DCX: variants seen among roughly 807,000 people sequenced by gnomAD.
DCX encodes doublecortin, also known as neuronal migration protein doublecortin.
Under a neutral mutation model 20.9 loss-of-function variants are expected in DCX, and 4 were observed. That is an observed-to-expected ratio of 0.19 (90% CI 0.09 to 0.44). The LOEUF is 0.44. Among genes scored for constraint, DCX ranks in the 20% least tolerant of loss-of-function variants. The pLI, the probability that DCX is intolerant of heterozygous loss-of-function variation, is 0.99. For synonymous variants in DCX, 103 were observed against 111.4 expected, an observed-to-expected ratio of 0.92 and a Z score of 0.47; for missense variants, 133 against 296.9, an observed-to-expected ratio of 0.45 and a Z score of 4.06.
intron 3 of DCX, among the ~76,000 whole-genome samples, chrX:111,366,103 T>A (rs1924615253): frequency 8.9e-6 from 1 of 112,208 alleles, no homozygotes; most frequent in Non-Finnish European, 1.9e-5. Context: ...ATTATATAAA[T>A]CCTTATAACC....
chrX:111,400,437 A>G (rs1261070475), intron 3 of DCX, among the ~76,000 whole-genome samples: 2 of 112,016 alleles, frequency 1.8e-5, no homozygotes, highest in Non-Finnish European at 3.8e-5. Flanking sequence ...AAATTAAGAC[A>G]GCTATGTCAT....
Position 111,323,677 on chromosome X carries a change from T to C in DCX, c.946+7227A>G, listed in dbSNP as rs7054040. On this transcript the variant is annotated intron_variant, in intron 5 of 6. Transcript: ENST00000636035. ...CAAAATGATTGGCCCTATCCTGTTCTCTCTTTTTACCCTCTCAGCATTATT... is the reference window on the plus strand; with the variant it reads ...CAAAATGATTGGCCCTATCCTGTTCCCTCTTTTTACCCTCTCAGCATTATT... Among the ~76,000 whole-genome samples the C allele has an allele frequency of 3.1e-3, 328 of 104,710 alleles. 3 individuals are homozygous for C. Among genetic ancestry groups the C allele is most frequent in the African/African-American group, 0.011 (310 of 28,509 alleles). 90.9% of individuals were successfully genotyped at this position (104,710 alleles called of 115,157 possible). A position where few individuals can be genotyped will look rare whatever the true frequency, so the allele number is the denominator to read the frequency against.
chrX:111,320,319 A>G (rs1463826345), intron 5 of DCX, among the ~76,000 whole-genome samples: 1 of 112,305 alleles, frequency 8.9e-6, no homozygotes, highest in Non-Finnish European at 1.9e-5. Flanking sequence ...TCTAGAGCCA[A>G]TTCACATAAA....
chrX:111,394,848 G>T (rs769796561), intron 3 of DCX, among the ~76,000 whole-genome samples: 1 of 112,373 alleles, frequency 8.9e-6, no homozygotes, highest in South Asian at 3.7e-4. Flanking sequence ...CTTTTGCCTT[G>T]CTTTGTTTTG....
chrX:111,305,544 A>G (rs1368524867), intron 6 of DCX, among the ~76,000 whole-genome samples: 2 of 109,996 alleles, frequency 1.8e-5, no homozygotes, highest in Non-Finnish European at 3.8e-5. Context: ...CCTGTAACCT[A>G]CATCTCCTCA....
At chrX:111,349,267 C>A (rs761015238) in intron 3 of DCX, among the ~76,000 whole-genome samples, 1 of 111,473 alleles carries the variant, frequency 9.0e-6, no homozygotes, top group Non-Finnish European at 1.9e-5. Context: ...CAGTGACACC[C>A]GGGCCAGAAT....
intron 6 of DCX, among the ~76,000 whole-genome samples, chrX:111,307,030 G>A (rs1348156520): frequency 9.1e-6 from 1 of 110,476 alleles, no homozygotes; most frequent in Non-Finnish European, 1.9e-5. Context: ...GACTGCTAAT[G>A]GGTAAGGGGT....
rs1043345201 is a variant in DCX at position 111,300,410 on chromosome X, G to A, written c.*1277C>T. 3 of 112,540 alleles carry A rather than the reference G, an allele frequency of 2.7e-5. No individual in the cohort carries two copies. The highest frequency in any genetic ancestry group is 5.6e-5 in the Non-Finnish European group (3 of 53,275). 9.3% of individuals were successfully genotyped at this position (112,540 alleles called of 1,213,427 possible). On this transcript the variant is annotated 3_prime_UTR_variant, in exon 7 of 7. Transcript: ENST00000636035. ...GAAATATTAGGATTATAGATAAAAA[G>A]AGTTGCTTAAAATATGCTGTAACAT...
chrX:111,310,758 C>T (rs1437158737), intron 6 of DCX, among the ~76,000 whole-genome samples: 2 of 112,194 alleles, frequency 1.8e-5, no homozygotes, highest in African/African-American at 6.5e-5. Flanking sequence ...ACAATGCTGC[C>T]ACCTGTGAGC....
At chrX:111,380,894 A>G (rs1392406720) in intron 3 of DCX, among the ~76,000 whole-genome samples, 2 of 110,471 alleles carry the variant, frequency 1.8e-5, no homozygotes, top group Non-Finnish European at 3.8e-5. Context: ...TTTTTTGAAA[A>G]TTATATTTTA....
chrX:111,347,027 G>T (rs766559086), intron 3 of DCX, among the ~76,000 whole-genome samples: 98 of 111,184 alleles, frequency 8.8e-4, no homozygotes, highest in African/African-American at 3.1e-3. Flanking sequence ...AAGAATTTAG[G>T]CTCCACAAGA....
chrX:111,368,901 T>TATATACACACACAC (rs1467693516), intron 3 of DCX, among the ~76,000 whole-genome samples: 8 of 98,265 alleles, frequency 8.1e-5, no homozygotes, highest in African/African-American at 2.6e-4. Flanking sequence ...TATATATACA[T>TATATACACACACAC]ACACACACAC....
chrX:111,295,293 C>A lies in DCX; in HGVS notation c.*6394G>T, dbSNP rs1489654601. 1 of 112,108 alleles carries A rather than the reference C, an allele frequency of 8.9e-6. No individual in the cohort carries two copies. Among genetic ancestry groups the A allele is most frequent in the Non-Finnish European group, 1.9e-5 (1 of 53,218 alleles). 9.2% of individuals were successfully genotyped at this position (112,108 alleles called of 1,213,427 possible). A position where few individuals can be genotyped will look rare whatever the true frequency, so the allele number is the denominator to read the frequency against. On this transcript the variant is annotated 3_prime_UTR_variant, in exon 7 of 7. Coordinates refer to ENST00000636035, the MANE Select transcript of DCX (RefSeq NM_001195553.2). ...CTGGCTTCTTTAGGTCCACTAATTT[C>A]TCTTATATGGACTGTCTATTCAGTA...
intron 3 of DCX, among the ~76,000 whole-genome samples, chrX:111,391,952 G>A (rs1212848029): frequency 9.0e-6 from 1 of 111,570 alleles, no homozygotes; most frequent in African/African-American, 3.3e-5. Context: ...TTGGTGGTTT[G>A]GGGGAGAATC....
At position 111,391,500 on chromosome X, in the gene DCX, A is replaced by G. The variant is rs779923051; in HGVS notation, c.705+9490T>C. ...TAAATATTGCCTTTGCCTTCCTTTC[A>G]GCTTCATCTTCTGCTGTGTCTGCCC... On this transcript the variant is annotated intron_variant, in intron 3 of 6. Transcript: ENST00000636035. Among the ~76,000 whole-genome samples, 185 of 111,429 alleles carry G rather than the reference A, an allele frequency of 1.7e-3. 1 individual carries two copies. Among genetic ancestry groups the G allele is most frequent in the Non-Finnish European group, 2.6e-3 (140 of 53,125 alleles).
chrX:111,370,242 A>C (rs2147707772), intron 3 of DCX, among the ~76,000 whole-genome samples: 1 of 111,751 alleles, frequency 8.9e-6, no homozygotes, highest in South Asian at 3.8e-4. Context: ...ATATTTTAAT[A>C]GCCAATCTTA....
intron 3 of DCX, among the ~76,000 whole-genome samples, chrX:111,348,668 C>A (rs1923043222): frequency 9.1e-6 from 1 of 110,214 alleles, no homozygotes; most frequent in Non-Finnish European, 1.9e-5. Context: ...GATCCCTTGG[C>A]ACCATTAAGC....
intron 3 of DCX, among the ~76,000 whole-genome samples, chrX:111,344,262 A>G (rs1251935800): frequency 5.4e-5 from 6 of 112,056 alleles, no homozygotes; most frequent in Admixed American, 9.5e-5. Context: ...ACAATTTATA[A>G]CAAACCCACA....
chrX:111,389,135 C>T (rs780868424), intron 3 of DCX, among the ~76,000 whole-genome samples: 1 of 111,620 alleles, frequency 9.0e-6, no homozygotes, highest in South Asian at 3.8e-4. Context: ...GAGAATTTTG[C>T]TTTCTGTTCC....
Sources: gnomAD v4.1 joint callset for allele counts (sites outside exome capture counted in the v4.1 genomes callset) on GRCh38, gnomAD v4.1.1 for gene constraint, MANE v1.5 for transcripts, NCBI Gene and HGNC (gene_info 2026-07-23, HGNC 2026-07-21) for gene names.